Variants in UACA observed in about 807,000 individuals in gnomAD.
The protein encoded by UACA is uveal autoantigen with coiled-coil domains and ankyrin repeats, also known as nuclear membrane binding protein.
UACA carries 112 observed loss-of-function variants against 160.5 expected under a neutral mutation model. The ratio of observed to expected loss-of-function variants is 0.70; its 90% CI spans 0.60 to 0.82. The LOEUF (loss-of-function observed/expected upper bound fraction) is 0.82, where lower values mean the gene tolerates loss of function less well. Among genes scored for constraint, UACA ranks in the 40% least tolerant of loss-of-function variants. UACA has a pLI of 0.00. For synonymous variants in UACA, 557 were observed against 568.4 expected (o/e 0.98, Z 0.29); for missense variants, 1,574 against 1,614.6 (o/e 0.97, Z 0.43).
chr15:70,660,261 AT>A (rs763816589), intron 17 of UACA, 45 bp from the exon 18 acceptor site: 1 of 1,542,702 alleles, frequency 6.5e-7, no homozygotes, highest in Admixed American at 1.7e-5. Flanking sequence ...CAGCGTTCAC[AT>A]TTCCAAACTT....
intron 1 of UACA, among the ~76,000 whole-genome samples, chr15:70,740,386 G>A (rs1441555321): frequency 6.6e-6 from 1 of 151,878 alleles, no homozygotes; most frequent in African/African-American, 2.4e-5. Flanking sequence ...GGCCAAGGTG[G>A]GAGGATCACT....
At chr15:70,673,362 G>A (rs776508496) in intron 13 of UACA, among the ~76,000 whole-genome samples, 1 of 152,144 alleles carries the variant, frequency 6.6e-6, no homozygotes, top group South Asian at 2.1e-4. Flanking sequence ...ATATTTAGGT[G>A]TATCAGTCCT....
chr15:70,676,640 T>G (rs752871849), intron 12 of UACA, 49 bp from the exon 13 acceptor site: 2 of 1,494,936 alleles, frequency 1.3e-6, no homozygotes, highest in Non-Finnish European at 1.9e-6. Context: ...TGCTTGGAAT[T>G]GGATTAAAAA....
rs1246191908 is a variant in UACA, at chr15:70,690,436, A to C, written c.424+18T>G. ...ACATTTTAACAAATATTTGTATCCAAGGGAAACCACTGCTCACCGGCATCG... is the reference window on the plus strand; with the variant it reads ...ACATTTTAACAAATATTTGTATCCACGGGAAACCACTGCTCACCGGCATCG... On this transcript the variant is annotated intron_variant, in intron 5 of 18. Transcript: ENST00000322954. The C allele has an allele frequency of 6.2e-7, 1 of 1,610,636 alleles. No individual in the cohort carries two copies. Among genetic ancestry groups the C allele is most frequent in the Non-Finnish European group, 8.5e-7 (1 of 1,178,130 alleles).
intron 9 of UACA, 107 bp from the exon 10 acceptor site, chr15:70,679,783 C>T: frequency 1.6e-6 from 1 of 632,690 alleles, no homozygotes; most frequent in South Asian, 2.0e-5. Flanking sequence ...GTTTATCCAA[C>T]ATTAGCTGCA....
At chr15:70,690,552 AT>A (rs1897898198) in intron 4 of UACA, 41 bp from the exon 5 acceptor site, 1 of 1,504,510 alleles carries the variant, frequency 6.6e-7, no homozygotes, top group South Asian at 1.2e-5. Context: ...GGAGAGTTTT[AT>A]TTTAAAATTA....
rs140362051 is a variant in UACA, at chr15:70,703,499, A to G, written c.79-3839T>C. Among the ~76,000 whole-genome samples the G allele has an allele frequency of 1.8e-3, 279 of 152,266 alleles. 1 individual carries two copies. The highest frequency in any genetic ancestry group is 6.8e-3 in the Middle Eastern group (2 of 294). ...ATTGTTTTTTCCCCCAAACCACGAG[A>G]TATCACAATGGATTCATTTGGCTAA... On this transcript the variant is annotated intron_variant, in intron 1 of 18. Transcript: ENST00000322954.
At chr15:70,660,330 T>C in intron 17 of UACA, 114 bp from the exon 18 acceptor site, 4 of 831,210 alleles carry the variant, frequency 4.8e-6, no homozygotes, top group Non-Finnish European at 7.8e-6. Context: ...GCGATCCTGC[T>C]ACTTCTAACA....
Position 70,677,100 on chromosome 15 carries a change from CA to C in UACA, c.1032+7del. The C allele has an allele frequency of 6.3e-7, 1 of 1,599,348 alleles. No homozygotes were observed. Among genetic ancestry groups the C allele is most frequent in the Non-Finnish European group, 8.5e-7 (1 of 1,172,164 alleles). ...ATTTTAATGGTTTAAAATAAAATGT[CA>C]CCCTACCTCGCTTTCCAGATCATCA... On this transcript the variant is annotated splice_region_variant and intron_variant, in intron 12 of 18. Transcript: ENST00000322954.
chr15:70,735,147 T>TAAA (rs1555415817), intron 1 of UACA, among the ~76,000 whole-genome samples: 43 of 3,054 alleles, frequency 0.014, no homozygotes, highest in African/African-American at 0.026. Context: ...TAGAGTATAA[T>TAAA]AAAAAAAAAA....
Position 70,687,564 on chromosome 15 carries a change from A to C in UACA, c.578T>G (p.Val193Gly). 6.2e-7 allele frequency: 1 copy of C among 1,613,866 alleles called. No individual in the cohort carries two copies. Among genetic ancestry groups the C allele is most frequent in the Non-Finnish European group, 8.5e-7 (1 of 1,179,814 alleles). The change falls in exon 7 of 19, where the codon GTT (valine) becomes GGT (glycine). Residue 193 changes from valine (V) to glycine (G), a missense_variant. By Grantham distance (109) the Val-to-Gly change is moderately radical. Coordinates refer to ENST00000322954, the MANE Select transcript of UACA (RefSeq NM_018003.4). Reference sequence around the variant, plus strand: ...CCTGTTTTGTTTGTCTCTGGAATTAACATCCGCTCCTCTATCTATCAGCAG... The same window carrying C: ...CCTGTTTTGTTTGTCTCTGGAATTACCATCCGCTCCTCTATCTATCAGCAG... ...CQLLIDRGADVNSRDKQNRTA... is the reference protein window; with the variant it reads ...CQLLIDRGADGNSRDKQNRTA...
rs1229574674 is a variant in UACA at position 70,667,746 on chromosome 15, A to G, written c.2938T>C (p.Cys980Arg). 1.9e-6 allele frequency: 3 copies of G among 1,613,882 alleles called. No homozygotes were observed. The highest frequency in any genetic ancestry group is 2.5e-6 in the Non-Finnish European group (3 of 1,179,982). ...ATTGGGGCGTATTTTACCTTAATGCATTCTTGTATTGTGTCGAGCTCCTTC... is the reference window on the plus strand; with the variant it reads ...ATTGGGGCGTATTTTACCTTAATGCGTTCTTGTATTGTGTCGAGCTCCTTC... ...QKKELDTIQECIKVKYAPIVS... is the reference protein window; with the variant it reads ...QKKELDTIQERIKVKYAPIVS... Residue 980 changes from cysteine to arginine, a missense_variant, in exon 16 of 19, where the codon TGC (cysteine) becomes CGC (arginine). Coordinates refer to ENST00000322954, the MANE Select transcript of UACA (RefSeq NM_018003.4).
intron 12 of UACA, 96 bp from the exon 13 acceptor site, chr15:70,676,687 G>T: frequency 1.0e-6 from 1 of 959,336 alleles, no homozygotes; most frequent in Non-Finnish European, 1.6e-6. Context: ...TTGCATTGAG[G>T]ACTGGAGTTA....
chr15:70,770,534 C>G, the UACA span, among the ~76,000 whole-genome samples: 1 of 152,116 alleles, frequency 6.6e-6, no homozygotes, highest in African/African-American at 2.4e-5. Flanking sequence ...TTGCCACAAA[C>G]AAAATATTTA....
intron 12 of UACA, 96 bp from the exon 13 acceptor site, chr15:70,676,687 G>A: frequency 1.0e-6 from 1 of 959,338 alleles, no homozygotes; most frequent in Non-Finnish European, 1.6e-6. Context: ...TTGCATTGAG[G>A]ACTGGAGTTA....
chr15:70,754,893 A>G (rs1053761952), intron 1 of UACA, among the ~76,000 whole-genome samples: 3 of 152,244 alleles, frequency 2.0e-5, no homozygotes, highest in Non-Finnish European at 4.4e-5. Context: ...AAATAAGGCA[A>G]TGAGTATTAT....
the UACA span, among the ~76,000 whole-genome samples, chr15:70,772,923 T>C: frequency 6.6e-6 from 1 of 151,878 alleles, no homozygotes; most frequent in Non-Finnish European, 1.5e-5. Context: ...ACCCCGTCTC[T>C]ACTAAAAATA....
At chr15:70,681,856 C>T (rs1315968325) in intron 9 of UACA, 1 of 152,220 alleles carries the variant, frequency 6.6e-6, no homozygotes, top group Non-Finnish European at 1.5e-5. Context: ...GCACATTCAG[C>T]ACATGTATCT....
Position 70,660,158 on chromosome 15 carries a change from G to A in UACA, c.4172C>T (p.Ala1391Val), listed in dbSNP as rs1896653373. 1.2e-6 allele frequency: 2 copies of A among 1,612,642 alleles called. No homozygotes were observed. Among genetic ancestry groups the A allele is most frequent in the Admixed American group, 3.3e-5 (2 of 59,926 alleles). Residue 1391 changes from alanine (A) to valine (V), a missense_variant, in exon 18 of 19, where the codon GCT (alanine) becomes GTT (valine). Transcript: ENST00000322954. ...IAIYRTHLLS[A>V]AQGHMDEDVQ... ...GGAGAAGTAGTTCTTTACCTGTGCA[G>A]CACTAAGAAGGTGTGTCCGATAAAT...
Sources: gnomAD v4.1 joint callset for allele counts (sites outside exome capture counted in the v4.1 genomes callset) on GRCh38, gnomAD v4.1.1 for gene constraint, MANE v1.5 for transcripts, NCBI Gene and HGNC (gene_info 2026-07-23, HGNC 2026-07-21) for gene names.